PGLYRP3: variants seen among roughly 807,000 people sequenced by gnomAD.
The protein encoded by PGLYRP3 is peptidoglycan recognition protein 3.
Under a neutral mutation model 36.0 loss-of-function variants are expected in PGLYRP3, and 39 were observed. The ratio of observed to expected loss-of-function variants is 1.08; its 90% CI spans 0.84 to 1.41. The LOEUF (loss-of-function observed/expected upper bound fraction) is 1.41, where lower values mean the gene tolerates loss of function less well. Ranked by LOEUF, PGLYRP3 falls within the 40% of genes most tolerant of loss-of-function variation. The pLI, the probability that PGLYRP3 is intolerant of heterozygous loss-of-function variation, is 0.00. For synonymous variants in PGLYRP3, 204 were observed against 172.8 expected, an observed-to-expected ratio of 1.18 and a Z score of -1.42; for missense variants, 407 against 427.9, an observed-to-expected ratio of 0.95 and a Z score of 0.43.
intron 5 of PGLYRP3, 98 bp from the exon 6 acceptor site, chr1:153,302,705 G>A: frequency 6.8e-6 from 8 of 1,169,162 alleles, no homozygotes; most frequent in Non-Finnish European, 1.0e-5. Flanking sequence ...GCCTCTCCCA[G>A]GCCTCCAGCA....
At chr1:153,310,942 C>T (rs1401465220) in intron 1 of PGLYRP3, among the ~76,000 whole-genome samples, 2 of 152,148 alleles carry the variant, frequency 1.3e-5, no homozygotes, top group Non-Finnish European at 2.9e-5. Context: ...CTGGGCAACT[C>T]CTGGTTCCTC....
intron 6 of PGLYRP3, among the ~76,000 whole-genome samples, chr1:153,301,990 G>A (rs893326420): frequency 3.7e-4 from 57 of 152,320 alleles, no homozygotes; most frequent in African/African-American, 1.3e-3. Context: ...AATGAGGTAA[G>A]TAACACCAGA....
At chr1:153,306,916 C>T (rs1046094558) in intron 3 of PGLYRP3, 150 bp downstream of exon 3, 5 of 770,924 alleles carry the variant, frequency 6.5e-6, no homozygotes, top group East Asian at 2.7e-5. Flanking sequence ...CCGAAGGATT[C>T]GGATTTTGTT....
At chr1:153,312,434 T>C (rs1361902260) in intron 1 of PGLYRP3, among the ~76,000 whole-genome samples, 2 of 152,134 alleles carry the variant, frequency 1.3e-5, no homozygotes, top group Admixed American at 1.3e-4. Flanking sequence ...CCAAGAAAGA[T>C]CCAGCAGTGG....
chr1:153,304,090 A>G, intron 4 of PGLYRP3, 81 bp from the exon 5 acceptor site: 1 of 1,350,716 alleles, frequency 7.4e-7, no homozygotes, highest in Non-Finnish European at 1.0e-6. Context: ...GGATGATATG[A>G]CCACTTGAGC....
chr1:153,300,243 C>T (rs902429207), intron 6 of PGLYRP3, among the ~76,000 whole-genome samples: 2 of 152,172 alleles, frequency 1.3e-5, no homozygotes, highest in African/African-American at 4.8e-5. Context: ...GACACTCTTC[C>T]TCCTTCTTTG....
At chr1:153,298,861 C>T (rs1258619653) in intron 7 of PGLYRP3, among the ~76,000 whole-genome samples, 1 of 152,076 alleles carries the variant, frequency 6.6e-6, no homozygotes, top group Non-Finnish European at 1.5e-5. Context: ...AAAGACGTTT[C>T]CCCCCTTGCT....
chr1:153,302,405 T>C lies in PGLYRP3; in HGVS notation c.728+4A>G. On this transcript the variant is annotated splice_donor_region_variant and intron_variant, in intron 6 of 7. Transcript: ENST00000683862. Reference sequence around the variant, plus strand: ...AGGGTTCTTTTGGCATTGATCCCACTTACTGATATCCAATGTCACAAAAGT... The same window carrying C: ...AGGGTTCTTTTGGCATTGATCCCACCTACTGATATCCAATGTCACAAAAGT... 1 of 1,614,082 alleles carries C rather than the reference T, an allele frequency of 6.2e-7. No individual in the cohort carries two copies. The highest frequency in any genetic ancestry group is 8.5e-7 in the Non-Finnish European group (1 of 1,179,924).
chr1:153,307,369 C>T lies in PGLYRP3; in HGVS notation c.56-102G>A, dbSNP rs567834800. The T allele has an allele frequency of 3.5e-6, 4 of 1,155,738 alleles. No homozygotes were observed. In the Admixed American group the frequency reaches 6.3e-5, roughly 18 times the overall value. The allele number at this position is 1,155,738 out of a possible 1,614,324, so 71.6% of individuals were successfully genotyped here. A position where few individuals can be genotyped will look rare whatever the true frequency, so the allele number is the denominator to read the frequency against. ...CTCTCATGCTCAGGCCCGACCTGCC[C>T]CATGCATGGGAGACACCCTGGGGGA... On this transcript the variant is annotated intron_variant, in intron 2 of 7. Coordinates refer to ENST00000683862, the MANE Select transcript of PGLYRP3 (RefSeq NM_052891.3).
chr1:153,305,160 A>G, intron 3 of PGLYRP3, 95 bp from the exon 4 acceptor site: 1 of 934,488 alleles, frequency 1.1e-6, no homozygotes, highest in Non-Finnish European at 1.7e-6. Context: ...GAGGCTCATA[A>G]GTAAGTACTA....
Position 153,302,597 on chromosome 1 carries a change from G to A in PGLYRP3, c.540C>T (p.Asn180=), listed in dbSNP as rs1659626479. 2 of 1,614,154 alleles carry A rather than the reference G, an allele frequency of 1.2e-6. No individual in the cohort carries two copies. Among genetic ancestry groups the A allele is most frequent in the African/African-American group, 1.3e-5 (1 of 75,062 alleles). The change falls in exon 6 of 8, where the codon AAC becomes AAT. Residue 180 remains asparagine, a synonymous_variant. Transcript: ENST00000683862. ...HPVMPRKVCP[N]IIKRSAWEAR... Reference sequence around the variant, plus strand: ...CTTCCCAAGCAGATCGTTTGATGATGTTGGGGCAAACTGTGGTAAAATGAA... The same window carrying A: ...CTTCCCAAGCAGATCGTTTGATGATATTGGGGCAAACTGTGGTAAAATGAA...
At chr1:153,309,587 G>T (rs1176566126) in intron 2 of PGLYRP3, among the ~76,000 whole-genome samples, 2 of 152,172 alleles carry the variant, frequency 1.3e-5, no homozygotes, top group Non-Finnish European at 2.9e-5. Context: ...GCAAATACAT[G>T]ACCAGGACCC....
At position 153,307,258 on chromosome 1, in the gene PGLYRP3, G is replaced by A. The variant is rs1418833718; in HGVS notation, c.65C>T (p.Thr22Ile). ...ILGLQAWDTP[T>I]IVSRKEWGAR... ...CCCCCACTCCTTGCGGGAGACGATG[G>A]TGGGAGTATCTGTAGGGAAGACCAC... The change falls in exon 3 of 8, where the codon ACC becomes ATC. Residue 22 changes from threonine to isoleucine, a missense_variant. Physicochemically the swap from Thr to Ile is moderately conservative, Grantham distance 89. Transcript: ENST00000683862. The A allele has an allele frequency of 1.2e-6, 2 of 1,600,370 alleles. No homozygotes were observed. The highest frequency in any genetic ancestry group is 1.1e-5 in the South Asian group (1 of 88,646).
intron 5 of PGLYRP3, among the ~76,000 whole-genome samples, chr1:153,302,926 T>C (rs1659636604): frequency 6.6e-6 from 1 of 152,322 alleles, no homozygotes; most frequent in South Asian, 2.1e-4. Context: ...ATTGCAAATA[T>C]ATATGCAGGT....
At chr1:153,304,589 G>A (rs1161224828) in intron 4 of PGLYRP3, among the ~76,000 whole-genome samples, 1 of 63,208 alleles carries the variant, frequency 1.6e-5, no homozygotes, top group Non-Finnish European at 2.9e-5. Context: ...GCTGCCTTCT[G>A]GTCACTTTCT....
At position 153,302,610 on chromosome 1, in the gene PGLYRP3, G is replaced by A; in HGVS notation, c.530-3C>T. On this transcript the variant is annotated splice_region_variant and splice_polypyrimidine_tract_variant and intron_variant, in intron 5 of 7. Coordinates refer to ENST00000683862, the MANE Select transcript of PGLYRP3 (RefSeq NM_052891.3). ...TCGTTTGATGATGTTGGGGCAAACT[G>A]TGGTAAAATGAAAAGCCAAGGAAGT... 6.2e-7 allele frequency: 1 copy of A among 1,613,918 alleles called. No homozygotes were observed. Among genetic ancestry groups the A allele is most frequent in the East Asian group, 2.2e-5 (1 of 44,890 alleles).
rs374274244 is a variant in PGLYRP3, at chr1:153,310,717, G to A, written c.-41-11C>T. ...GTGTGGACGGCAGCCCTGGAAGAGA[G>A]GCTAACAGTTAACACAACCATGCTA... is the stretch of plus-strand genomic sequence containing the variant. On this transcript the variant is annotated splice_polypyrimidine_tract_variant and intron_variant, in intron 1 of 7. Transcript: ENST00000683862. 497 of 1,524,226 alleles carry A rather than the reference G, an allele frequency of 3.3e-4. 1 individual carries two copies. Among genetic ancestry groups the A allele is most frequent in the Non-Finnish European group, 4.4e-4 (480 of 1,100,804 alleles). The allele number at this position is 1,524,226 out of a possible 1,614,324, so 94.4% of individuals were successfully genotyped here.
At position 153,297,554 on chromosome 1, in the gene PGLYRP3, A is replaced by G. The variant is rs200078812; in HGVS notation, c.*402T>C. ...AGGAAGGAAGGAAGGAAGGAAGGAA[A>G]GAAAGAAAAAGAAAGAAAGAAAGAA... On this transcript the variant is annotated 3_prime_UTR_variant, in exon 8 of 8. Coordinates refer to ENST00000683862, the MANE Select transcript of PGLYRP3 (RefSeq NM_052891.3). Among the ~76,000 whole-genome samples, 12,140 of 49,994 alleles carry G rather than the reference A, an allele frequency of 0.24. 835 individuals are homozygous for G. The highest frequency in any genetic ancestry group is 0.27 in the Non-Finnish European group (6,590 of 24,142). 32.8% of individuals were successfully genotyped at this position (49,994 alleles called of 152,430 possible).
At chr1:153,309,489 C>T (rs1659844018) in intron 2 of PGLYRP3, among the ~76,000 whole-genome samples, 1 of 152,224 alleles carries the variant, frequency 6.6e-6, no homozygotes, top group Non-Finnish European at 1.5e-5. Flanking sequence ...GTCACTGCCA[C>T]AATGTGACCT....
Sources: allele counts gnomAD v4.1 joint callset (sites outside exome capture counted in the v4.1 genomes callset), GRCh38; gene constraint gnomAD v4.1.1; transcripts MANE v1.5; gene names NCBI Gene and HGNC (gene_info 2026-07-23, HGNC 2026-07-21).